The following IQCH variants were observed in gnomAD, a reference collection of about 807,000 sequenced individuals.
IQCH encodes the protein IQ motif containing H.
A neutral mutation model predicts 117.0 loss-of-function variants in IQCH; 98 were observed. That is an observed-to-expected ratio of 0.84 (90% CI 0.71 to 0.99). The LOEUF is 0.99. Among genes scored for constraint, IQCH ranks in the 50% least tolerant of loss-of-function variants. IQCH has a pLI of 0.00. For missense variants in IQCH, 1,102 were observed against 1,243.8 expected, an observed-to-expected ratio of 0.89 and a Z score of 1.72; for synonymous variants, 412 against 448.2, an observed-to-expected ratio of 0.92 and a Z score of 1.02.
chr15:67,354,706 A>C (rs2140727069), intron 6 of IQCH, among the ~76,000 whole-genome samples: 1 of 152,344 alleles, frequency 6.6e-6, no homozygotes, highest in Non-Finnish European at 1.5e-5. Flanking sequence ...TCAGAAAAAT[A>C]CCAGTGGCCT....
chr15:67,318,214 T>C (rs927008836), intron 4 of IQCH, among the ~76,000 whole-genome samples: 2 of 152,174 alleles, frequency 1.3e-5, no homozygotes, highest in Non-Finnish European at 2.9e-5. Context: ...CCTTCTTGCC[T>C]TCCTTTCCTT....
chr15:67,329,538 C>G (rs544885320), intron 4 of IQCH, among the ~76,000 whole-genome samples: 2 of 152,262 alleles, frequency 1.3e-5, no homozygotes, highest in African/African-American at 2.4e-5. Flanking sequence ...GTGGCATAAT[C>G]ATAGCTCACT....
chr15:67,313,269 A>G (rs1229674404), intron 4 of IQCH, among the ~76,000 whole-genome samples: 1 of 152,156 alleles, frequency 6.6e-6, no homozygotes, highest in Non-Finnish European at 1.5e-5. Context: ...GAATCAGAGG[A>G]CTTGGGTTTT....
intron 4 of IQCH, among the ~76,000 whole-genome samples, chr15:67,310,651 T>C (rs1967544972): frequency 6.6e-6 from 1 of 152,132 alleles, no homozygotes; most frequent in Non-Finnish European, 1.5e-5. Flanking sequence ...CATGATAGTG[T>C]AGCATCACAG....
intron 19 of IQCH, among the ~76,000 whole-genome samples, chr15:67,492,094 C>A (rs948561677): frequency 6.6e-6 from 1 of 152,020 alleles, no homozygotes; most frequent in South Asian, 2.1e-4. Context: ...CATAGGCCAC[C>A]GGGAATTACC....
At chr15:67,488,714 C>T (rs1462783534) in intron 18 of IQCH, among the ~76,000 whole-genome samples, 1 of 152,210 alleles carries the variant, frequency 6.6e-6, no homozygotes, top group African/African-American at 2.4e-5. Flanking sequence ...CTCAGATCAT[C>T]AGGCATCAGT....
Position 67,388,812 on chromosome 15 carries a change from T to C in IQCH, c.1457-19T>C, listed in dbSNP as rs4516180. On this transcript the variant is annotated intron_variant, in intron 11 of 20. Transcript: ENST00000335894. The surrounding 1 kb of genome is among the most constrained non-coding windows in gnomAD (Gnocchi z 5.5). ...TTTACCTTCACACCAGTAATTAACA[T>C]TGTGCCTGTTGTTTTTAGATGCCAA... The C allele has an allele frequency of 3.3e-5, 53 of 1,604,210 alleles. No homozygotes were observed. The African/African-American group carries it at 6.0e-4, about 18-fold the overall frequency.
In IQCH at chr15:67,487,067, T is replaced by C. The variant is rs553142738; in HGVS notation, c.2800-2936T>C. Among the ~76,000 whole-genome samples the C allele has an allele frequency of 7.1e-4, 108 of 152,344 alleles. 2 individuals carry two copies. The South Asian group carries it at 0.022, about 31-fold the overall frequency. On this transcript the variant is annotated intron_variant, in intron 18 of 20. Coordinates refer to ENST00000335894, the MANE Select transcript of IQCH (RefSeq NM_001031715.3). Reference sequence around the variant, plus strand: ...GCAGATGATGGCCAGGCACAGTGGCTCACGCCTGTAATCCCAGCACTTTGG... The same window carrying C: ...GCAGATGATGGCCAGGCACAGTGGCCCACGCCTGTAATCCCAGCACTTTGG...
At chr15:67,283,704 T>C (rs1406677925) in intron 4 of IQCH, among the ~76,000 whole-genome samples, 1 of 152,104 alleles carries the variant, frequency 6.6e-6, no homozygotes, top group Non-Finnish European at 1.5e-5. Flanking sequence ...TTTGTTTCGA[T>C]ATAAAAGTAA....
At chr15:67,488,387 A>G (rs2083552428) in intron 18 of IQCH, among the ~76,000 whole-genome samples, 1 of 152,228 alleles carries the variant, frequency 6.6e-6, no homozygotes, top group East Asian at 1.9e-4. Context: ...AGAATCCCAA[A>G]ACAGACATCT....
Position 67,364,967 on chromosome 15 carries a change from G to T in IQCH, c.753+5082G>T, listed in dbSNP as rs557553297. Reference sequence around the variant, plus strand: ...GTTTTTGTTCTTGTTTTGAGATGCGGTCTCTCTCTGTCACCTAGTCTGCAG... The same window carrying T: ...GTTTTTGTTCTTGTTTTGAGATGCGTTCTCTCTCTGTCACCTAGTCTGCAG... On this transcript the variant is annotated intron_variant, in intron 8 of 20. Coordinates refer to ENST00000335894, the MANE Select transcript of IQCH (RefSeq NM_001031715.3). This position sits in a 1 kb window ranked among gnomAD's most constrained non-coding sequence, Gnocchi z 4.1. Among the ~76,000 whole-genome samples the T allele has an allele frequency of 2.0e-5, 3 of 152,088 alleles. No individual in the cohort carries two copies. Among genetic ancestry groups the T allele is most frequent in the African/African-American group, 7.2e-5 (3 of 41,402 alleles).
At position 67,356,652 on chromosome 15, in the gene IQCH, T is replaced by G. The variant is rs1341902928; in HGVS notation, c.638-693T>G. Among the ~76,000 whole-genome samples, 1 of 152,220 alleles carries G rather than the reference T, an allele frequency of 6.6e-6. No individual in the cohort carries two copies. Among genetic ancestry groups the G allele is most frequent in the Non-Finnish European group, 1.5e-5 (1 of 68,052 alleles). The stretch of plus-strand genomic sequence containing the variant: ...CAATTAACCATTTAAATAAATTTTT[T>G]GTTCTCTTTCTTGGGCTGAGTAGTA... On this transcript the variant is annotated intron_variant, in intron 6 of 20. Transcript: ENST00000335894. The surrounding 1 kb of genome is among the most constrained non-coding windows in gnomAD (Gnocchi z 5.3).
In IQCH at chr15:67,366,522, C is replaced by T. The variant is rs1970338691; in HGVS notation, c.754-5589C>T. Reference sequence around the variant, plus strand: ...AAGTGTTTCAGAGTTCAGGAAGACTCATTTGAATAAAGATACCTTTCAAAG... The same window carrying T: ...AAGTGTTTCAGAGTTCAGGAAGACTTATTTGAATAAAGATACCTTTCAAAG... On this transcript the variant is annotated intron_variant, in intron 8 of 20. Transcript: ENST00000335894. This position sits in a 1 kb window ranked among gnomAD's most constrained non-coding sequence, Gnocchi z 4.4. 6.6e-6 allele frequency among the ~76,000 whole-genome samples: 1 copy of T among 152,200 alleles called. No homozygotes were observed. The highest frequency in any genetic ancestry group is 2.1e-4 in the South Asian group (1 of 4,828).
rs772855867 is a variant in IQCH, at chr15:67,475,389, G to A, written c.2677-307G>A. ...GCTACTTGGGAGGCTGAAGCAGGAGGATCACTTAAGCCCAGGAGGCAGAGG... is the reference window on the plus strand; with the variant it reads ...GCTACTTGGGAGGCTGAAGCAGGAGAATCACTTAAGCCCAGGAGGCAGAGG... On this transcript the variant is annotated intron_variant, in intron 17 of 20. Transcript: ENST00000335894. The surrounding 1 kb of genome is among the most constrained non-coding windows in gnomAD (Gnocchi z 5.7). 2.0e-4 allele frequency among the ~76,000 whole-genome samples: 31 copies of A among 152,106 alleles called. No homozygotes were observed. Among genetic ancestry groups the A allele is most frequent in the Non-Finnish European group, 4.0e-4 (27 of 68,022 alleles).
chr15:67,352,089 A>G (rs1373441786), intron 6 of IQCH, among the ~76,000 whole-genome samples: 2 of 151,484 alleles, frequency 1.3e-5, no homozygotes, highest in African/African-American at 4.9e-5. Flanking sequence ...ATTTTTCCTC[A>G]TTATACTTTT....
chr15:67,273,541 T>TA (rs1567055031), intron 3 of IQCH, among the ~76,000 whole-genome samples: 4 of 152,220 alleles, frequency 2.6e-5, no homozygotes, highest in Non-Finnish European at 1.5e-5. Flanking sequence ...GAAAAAACTT[T>TA]AAAAAAACTC....
In IQCH at chr15:67,467,616, C is replaced by T. The variant is rs1250221163; in HGVS notation, c.2676+2319C>T. On this transcript the variant is annotated intron_variant, in intron 17 of 20. Transcript: ENST00000335894. This position sits in a 1 kb window ranked among gnomAD's most constrained non-coding sequence, Gnocchi z 5.7. ...CCACTATGCTTGGGTTGTGCACACA[C>T]CCTCCTGTGCATGTGTACACATATG... 6.6e-6 allele frequency among the ~76,000 whole-genome samples: 1 copy of T among 152,196 alleles called. No individual in the cohort carries two copies. The highest frequency in any genetic ancestry group is 1.5e-5 in the Non-Finnish European group (1 of 68,032).
At chr15:67,296,430 G>A (rs755120315) in intron 4 of IQCH, among the ~76,000 whole-genome samples, 11 of 152,236 alleles carry the variant, frequency 7.2e-5, no homozygotes, top group South Asian at 2.1e-4. Flanking sequence ...GGCAGGAGGC[G>A]GAGCTGGAAG....
chr15:67,270,168 A>G (rs1478494839), intron 3 of IQCH, among the ~76,000 whole-genome samples: 1 of 152,186 alleles, frequency 6.6e-6, no homozygotes, highest in African/African-American at 2.4e-5. Context: ...GTCTATGAAC[A>G]AAGCTAATTT....
Sources: gnomAD v4.1 joint callset for allele counts (sites outside exome capture counted in the v4.1 genomes callset) on GRCh38, gnomAD v4.1.1 for gene constraint, Gnocchi (gnomAD v3.1) non-coding constraint, MANE v1.5 for transcripts, NCBI Gene and HGNC (gene_info 2026-07-23, HGNC 2026-07-21) for gene names.